The following RORB variants were observed in gnomAD, a reference collection of about 807,000 sequenced individuals.
RORB encodes RAR related orphan receptor B.
A neutral mutation model predicts 59.1 loss-of-function variants in RORB; 6 were observed. The ratio of observed to expected loss-of-function variants is 0.10; its 90% CI spans 0.06 to 0.20. The LOEUF is 0.20. RORB is among the 10% of genes least tolerant of loss of function. The probability of loss-of-function intolerance (pLI) is 1.00; values close to 1 mark genes in which losing one functional copy is unlikely to be tolerated. For synonymous variants in RORB, 215 were observed against 204.5 expected (o/e 1.05, Z -0.44); for missense variants, 320 against 560.5 (o/e 0.57, Z 4.33).
chr9:74,666,770 C>T (rs536168969), intron 7 of RORB, among the ~76,000 whole-genome samples: 1 of 152,302 alleles, frequency 6.6e-6, no homozygotes, highest in East Asian at 1.9e-4. Context: ...CAGACCATTC[C>T]TGTGGGAAGG....
chr9:74,659,184 G>C (rs998955247), intron 4 of RORB, among the ~76,000 whole-genome samples: 6 of 152,056 alleles, frequency 3.9e-5, no homozygotes, highest in African/African-American at 1.4e-4. Context: ...TTTTTGTTTA[G>C]AAAATTTATT....
At chr9:74,567,583 G>T (rs1822487827) in intron 1 of RORB, among the ~76,000 whole-genome samples, 1 of 152,094 alleles carries the variant, frequency 6.6e-6, no homozygotes. Context: ...GGAAATGAGG[G>T]TCTCCACTGA....
chr9:74,605,241 G>A (rs549709745), intron 1 of RORB, among the ~76,000 whole-genome samples: 2 of 152,242 alleles, frequency 1.3e-5, no homozygotes, highest in Admixed American at 1.3e-4. Context: ...ATGATTAAAA[G>A]GTAGAAAGAA....
chr9:74,656,088 A>G (rs1300676607), intron 4 of RORB, among the ~76,000 whole-genome samples: 1 of 152,260 alleles, frequency 6.6e-6, no homozygotes, highest in African/African-American at 2.4e-5. Flanking sequence ...TTAGGCTTTA[A>G]GATCATCAAA....
intron 1 of RORB, among the ~76,000 whole-genome samples, chr9:74,567,086 G>A (rs1451000387): frequency 1.3e-5 from 2 of 151,550 alleles, no homozygotes; most frequent in African/African-American, 2.4e-5. Flanking sequence ...GGAGTGCAAC[G>A]GCGTGATCTC....
At chr9:74,542,175 C>A (rs2118136827) in intron 1 of RORB, among the ~76,000 whole-genome samples, 1 of 152,054 alleles carries the variant, frequency 6.6e-6, no homozygotes. Context: ...CTAAAGTAAA[C>A]AAAATACCCT....
chr9:74,549,616 GGAAGGAAGGAAGAAAGGAAA>G (rs1826571819), intron 1 of RORB, among the ~76,000 whole-genome samples: 3 of 91,124 alleles, frequency 3.3e-5, no homozygotes, highest in African/African-American at 9.5e-5. Flanking sequence ...AAGAAAGGAA[GGAAGGAAGGAAGAAAGGAAA>G]GAAAGAAAGA....
At chr9:74,568,956 T>G (rs1215692664) in intron 1 of RORB, among the ~76,000 whole-genome samples, 1 of 152,066 alleles carries the variant, frequency 6.6e-6, no homozygotes, top group Non-Finnish European at 1.5e-5. Flanking sequence ...AAAGCCCTTA[T>G]TAGAAGAACT....
intron 1 of RORB, among the ~76,000 whole-genome samples, chr9:74,619,416 A>G (rs1563954827): frequency 6.6e-6 from 1 of 152,192 alleles, no homozygotes; most frequent in Non-Finnish European, 1.5e-5. Context: ...GGTTTTGCAC[A>G]TAACTGTGAC....
chr9:74,668,741 G>A (rs1824305740), intron 8 of RORB, among the ~76,000 whole-genome samples: 2 of 152,140 alleles, frequency 1.3e-5, no homozygotes, highest in South Asian at 4.1e-4. Flanking sequence ...TGCTGAGTAG[G>A]CTGAGGAGAA....
chr9:74,530,065 T>A (rs1826213546), intron 1 of RORB, among the ~76,000 whole-genome samples: 1 of 152,036 alleles, frequency 6.6e-6, no homozygotes, highest in Admixed American at 6.6e-5. Context: ...ACTTCATGTT[T>A]CTTCTGAAAA....
intron 1 of RORB, among the ~76,000 whole-genome samples, chr9:74,521,439 A>C (rs974885088): frequency 2.0e-5 from 3 of 151,860 alleles, no homozygotes; most frequent in African/African-American, 7.2e-5. Context: ...TCCACTGTAC[A>C]AAATTAAATT....
intron 1 of RORB, among the ~76,000 whole-genome samples, chr9:74,600,657 A>C (rs1372566910): frequency 6.6e-6 from 1 of 152,244 alleles, no homozygotes; most frequent in South Asian, 2.1e-4. Context: ...ATAGACTCAG[A>C]TATCAAGATA....
chr9:74,500,685 C>G (rs1164461931), intron 1 of RORB, among the ~76,000 whole-genome samples: 1 of 152,120 alleles, frequency 6.6e-6, no homozygotes, highest in Non-Finnish European at 1.5e-5. Context: ...CGGGGCCAAT[C>G]CGGCAAACCT....
In RORB at chr9:74,632,063, G is replaced by A. The variant is rs140662093; in HGVS notation, c.93+1696G>A. Among the ~76,000 whole-genome samples, 14 of 152,222 alleles carry A rather than the reference G, an allele frequency of 9.2e-5. No individual in the cohort carries two copies. In the East Asian group the frequency reaches 1.9e-3, roughly 21 times the overall value. Reference sequence around the variant, plus strand: ...CTGATTTTTAGATCAATATCAAAATGGAGATGTTTGGCATTTGATTGTATA... The same window carrying A: ...CTGATTTTTAGATCAATATCAAAATAGAGATGTTTGGCATTTGATTGTATA... On this transcript the variant is annotated intron_variant, in intron 2 of 9. Transcript: ENST00000376896.
rs770503468 is a variant in RORB at position 74,642,552 on chromosome 9, G to A, written c.374G>A (p.Ser125Asn). 6.2e-7 allele frequency: 1 copy of A among 1,614,224 alleles called. No individual in the cohort carries two copies. The highest frequency in any genetic ancestry group is 8.5e-7 in the Non-Finnish European group (1 of 1,180,038). ...GCCCTTGCCAGGGTGTACAGCAGCA[G>A]CATTAGCAACGGCCTGAGCAACCTG... ...AEALARVYSS[S>N]ISNGLSNLNN... The change falls in exon 4 of 10, where the codon AGC (serine) becomes AAC (asparagine). Residue 125 changes from serine (S) to asparagine (N), a missense_variant. Physicochemically the swap from Ser to Asn is conservative, Grantham distance 46 (BLOSUM62 1). This residue lies in a region of RORB where 134 missense variants were observed against 156.2 expected (regional missense o/e 0.86). Transcript: ENST00000376896.
intron 9 of RORB, among the ~76,000 whole-genome samples, chr9:74,676,028 A>C (rs1213251839): frequency 6.6e-6 from 1 of 152,226 alleles, no homozygotes; most frequent in Non-Finnish European, 1.5e-5. Context: ...AGGGTAGAGG[A>C]TAAGGAAGGC....
At chr9:74,538,328 C>G (rs949080370) in intron 1 of RORB, among the ~76,000 whole-genome samples, 2 of 151,870 alleles carry the variant, frequency 1.3e-5, no homozygotes, top group Non-Finnish European at 2.9e-5. Context: ...CTCAAGAAGC[C>G]CTCTTGGATG....
chr9:74,524,319 A>T (rs1340740912), intron 1 of RORB, among the ~76,000 whole-genome samples: 2 of 151,750 alleles, frequency 1.3e-5, no homozygotes, highest in African/African-American at 2.4e-5. Context: ...AAAGTGATTC[A>T]TTTTTTACTA....
Sources: gnomAD v4.1 joint callset for allele counts (sites outside exome capture counted in the v4.1 genomes callset) on GRCh38, gnomAD v4.1.1 for gene constraint, gnomAD v4.1.1 regional missense constraint, MANE v1.5 for transcripts, NCBI Gene and HGNC (gene_info 2026-07-23, HGNC 2026-07-21) for gene names.